The following FBXL17 variants were observed in gnomAD, a reference collection of about 807,000 sequenced individuals.
FBXL17 encodes the protein F-box/LRR-repeat protein 17.
Under a neutral mutation model 66.2 loss-of-function variants are expected in FBXL17, and 22 were observed. The ratio of observed to expected loss-of-function variants is 0.33; its 90% confidence interval spans 0.24 to 0.47. The LOEUF (loss-of-function observed/expected upper bound fraction) is 0.47. Ranked by LOEUF, FBXL17 falls within the 20% of genes least tolerant of loss-of-function variation. The pLI, the probability that FBXL17 is intolerant of heterozygous loss-of-function variation, is 1.00. For synonymous variants in FBXL17, 474 were observed against 400.5 expected, an observed-to-expected ratio of 1.18 and a Z score of -2.19; for missense variants, 878 against 948.2, an observed-to-expected ratio of 0.93 and a Z score of 0.97.
rs539593196 is a variant in FBXL17 at position 108,174,973 on chromosome 5, G to A, written c.1745+11144C>T. Among the ~76,000 whole-genome samples, 6 of 152,148 alleles carry A rather than the reference G, an allele frequency of 3.9e-5. No homozygotes were observed. In the South Asian group the frequency reaches 6.2e-4, roughly 16 times the overall value. On this transcript the variant is annotated intron_variant, in intron 6 of 8. Transcript: ENST00000542267. ...AGACAAATGGCATGTAATACATAACGCAAGCTCTATCTGAATCCGAACAAT... is the reference window on the plus strand; with the variant it reads ...AGACAAATGGCATGTAATACATAACACAAGCTCTATCTGAATCCGAACAAT...
At chr5:108,123,920 G>A (rs564055131) in intron 6 of FBXL17, among the ~76,000 whole-genome samples, 3 of 152,100 alleles carry the variant, frequency 2.0e-5, no homozygotes, top group Admixed American at 1.3e-4. Flanking sequence ...ACGGCTGAGA[G>A]TTCTTCTCTT....
chr5:108,110,974 C>CA (rs1167283960), intron 6 of FBXL17, among the ~76,000 whole-genome samples: 1 of 152,140 alleles, frequency 6.6e-6, no homozygotes, highest in Non-Finnish European at 1.5e-5. Context: ...AGTCCACATT[C>CA]ACCAGCATCA....
chr5:108,079,765 T>C (rs1003240483), intron 6 of FBXL17, among the ~76,000 whole-genome samples: 4 of 152,176 alleles, frequency 2.6e-5, no homozygotes, highest in Admixed American at 6.5e-5. Flanking sequence ...GAAGTAGCAA[T>C]TGTGAAGTAT....
chr5:108,236,363 A>G (rs1755602434), intron 4 of FBXL17, among the ~76,000 whole-genome samples: 1 of 151,784 alleles, frequency 6.6e-6, no homozygotes, highest in South Asian at 2.1e-4. Flanking sequence ...AGTACAAAAA[A>G]TTAGCCGGGC....
chr5:108,118,721 T>C (rs1032844031), intron 6 of FBXL17, among the ~76,000 whole-genome samples: 7 of 152,216 alleles, frequency 4.6e-5, no homozygotes, highest in South Asian at 2.1e-4. Flanking sequence ...ATAATATCCA[T>C]AGTCCTTCAT....
intron 4 of FBXL17, among the ~76,000 whole-genome samples, chr5:108,262,374 G>C (rs1000669174): frequency 6.6e-6 from 1 of 151,922 alleles, no homozygotes; most frequent in Non-Finnish European, 1.5e-5. Context: ...TGTAAGTATA[G>C]GCTAATAATT....
At chr5:108,128,321 TG>T (rs1309766588) in intron 6 of FBXL17, among the ~76,000 whole-genome samples, 3 of 152,202 alleles carry the variant, frequency 2.0e-5, no homozygotes, top group African/African-American at 7.2e-5. Context: ...AATTATTTTT[TG>T]TTTTCACTGG....
chr5:108,221,008 C>A (rs1177260985), intron 5 of FBXL17, among the ~76,000 whole-genome samples: 1 of 152,132 alleles, frequency 6.6e-6, no homozygotes, highest in Non-Finnish European at 1.5e-5. Context: ...TCCAAACAGT[C>A]CCATAAATAT....
intron 6 of FBXL17, among the ~76,000 whole-genome samples, chr5:108,161,468 A>T (rs1752216587): frequency 6.8e-6 from 1 of 146,962 alleles, no homozygotes; most frequent in Non-Finnish European, 1.5e-5. Context: ...CCTGGGCGAC[A>T]GCGGAAGACT....
chr5:108,306,242 G>C (rs535222558), intron 4 of FBXL17, among the ~76,000 whole-genome samples: 1 of 152,156 alleles, frequency 6.6e-6, no homozygotes, highest in African/African-American at 2.4e-5. Flanking sequence ...ACTGCCTCAA[G>C]TAGGCCTAAA....
At chr5:107,909,928 TG>T (rs1749893972) in intron 7 of FBXL17, among the ~76,000 whole-genome samples, 3 of 152,210 alleles carry the variant, frequency 2.0e-5, no homozygotes, top group Non-Finnish European at 4.4e-5. Context: ...TTTACCTTAC[TG>T]TTATTGCTGC....
chr5:108,363,962 A>T (rs1346775510), intron 3 of FBXL17, among the ~76,000 whole-genome samples: 2 of 152,074 alleles, frequency 1.3e-5, no homozygotes, highest in African/African-American at 4.8e-5. Context: ...CATAGCAGAA[A>T]TGAATCAAGA....
At chr5:108,129,624 C>A (rs1218811153) in intron 6 of FBXL17, among the ~76,000 whole-genome samples, 1 of 151,966 alleles carries the variant, frequency 6.6e-6, no homozygotes, top group Non-Finnish European at 1.5e-5. Context: ...AAATATGTCT[C>A]TACTGAGATG....
At chr5:108,163,893 A>T (rs1351468354) in intron 6 of FBXL17, among the ~76,000 whole-genome samples, 2 of 152,196 alleles carry the variant, frequency 1.3e-5, no homozygotes, top group Non-Finnish European at 2.9e-5. Flanking sequence ...ATTTCAGAAA[A>T]ATAAAGTCTT....
chr5:108,327,915 G>C (rs1028549887), intron 4 of FBXL17, among the ~76,000 whole-genome samples: 1 of 152,116 alleles, frequency 6.6e-6, no homozygotes, highest in Non-Finnish European at 1.5e-5. Flanking sequence ...CATACACAGA[G>C]TTCATTTAAT....
At chr5:108,081,506 G>C (rs878909430) in intron 6 of FBXL17, among the ~76,000 whole-genome samples, 3 of 152,042 alleles carry the variant, frequency 2.0e-5, no homozygotes, top group African/African-American at 4.8e-5. Context: ...CGGATCACGA[G>C]GTCAGGAAAT....
chr5:107,906,950 G>A (rs1444562079), intron 7 of FBXL17, among the ~76,000 whole-genome samples: 2 of 152,092 alleles, frequency 1.3e-5, no homozygotes, highest in Non-Finnish European at 2.9e-5. Context: ...ATTCCGCATG[G>A]CAAGTAATGT....
At position 108,284,295 on chromosome 5, in the gene FBXL17, A is replaced by G. The variant is rs535880088; in HGVS notation, c.1507-60067T>C. ...ACTGCATTATTCACAATAGCAAAAA[A>G]TATTCAATCAACCTAAGTGTCCATC... is the stretch of plus-strand genomic sequence containing the variant. On this transcript the variant is annotated intron_variant, in intron 4 of 8. Transcript: ENST00000542267. 2.0e-5 allele frequency among the ~76,000 whole-genome samples: 3 copies of G among 152,064 alleles called. No homozygotes were observed. The East Asian group carries it at 5.8e-4, about 29-fold the overall frequency.
chr5:108,021,757 C>G (rs1219965883), intron 6 of FBXL17, among the ~76,000 whole-genome samples: 1 of 151,758 alleles, frequency 6.6e-6, no homozygotes, highest in African/African-American at 2.4e-5. Flanking sequence ...CATTTTGTGG[C>G]TCAGTTTCCT....
Sources: allele counts gnomAD v4.1 joint callset (sites outside exome capture counted in the v4.1 genomes callset), GRCh38; gene constraint gnomAD v4.1.1; transcripts MANE v1.5; gene names NCBI Gene and HGNC (gene_info 2026-07-23, HGNC 2026-07-21).